The following CSGALNACT1 variants were observed in gnomAD, a reference collection of about 807,000 sequenced individuals.
CSGALNACT1 encodes the protein chondroitin sulfate N-acetylgalactosaminyltransferase 1.
CSGALNACT1 carries 52 observed loss-of-function variants against 51.0 expected under a neutral mutation model. The ratio of observed to expected loss-of-function variants is 1.02; its 90% CI spans 0.82 to 1.29. The LOEUF (loss-of-function observed/expected upper bound fraction) is 1.29, where lower values mean the gene tolerates loss of function less well. Among genes scored for constraint, CSGALNACT1 ranks in the 50% most tolerant of loss-of-function variants. CSGALNACT1 has a pLI of 0.00. For missense variants in CSGALNACT1, 935 were observed against 679.2 expected (o/e 1.38, Z -4.19); for synonymous variants, 341 against 254.4 (o/e 1.34, Z -3.24).
At chr8:19,421,330 G>C (rs956986773) in intron 6 of CSGALNACT1, among the ~76,000 whole-genome samples, 1 of 152,194 alleles carries the variant, frequency 6.6e-6, no homozygotes, top group Non-Finnish European at 1.5e-5. Flanking sequence ...GATGTTTCTC[G>C]CATTCGTTGT....
chr8:19,584,132 C>A (rs1321861908), intron 3 of CSGALNACT1, among the ~76,000 whole-genome samples: 4 of 152,278 alleles, frequency 2.6e-5, no homozygotes, highest in Middle Eastern at 3.4e-3. Flanking sequence ...TGTGATCCAC[C>A]CAGACTTGTG....
intron 1 of CSGALNACT1, among the ~76,000 whole-genome samples, chr8:19,623,879 C>A (rs946851717): frequency 2.0e-5 from 3 of 152,174 alleles, no homozygotes; most frequent in African/African-American, 7.2e-5. Context: ...AAGATGATTT[C>A]TCTCTTGTAT....
At chr8:19,428,511 G>A (rs2059132885) in intron 6 of CSGALNACT1, among the ~76,000 whole-genome samples, 1 of 152,118 alleles carries the variant, frequency 6.6e-6, no homozygotes, top group South Asian at 2.1e-4. Flanking sequence ...TCTCTCGCCA[G>A]GTCCCTCCCA....
chr8:19,662,682 G>A (rs1414472617), intron 1 of CSGALNACT1, among the ~76,000 whole-genome samples: 1 of 152,184 alleles, frequency 6.6e-6, no homozygotes, highest in Non-Finnish European at 1.5e-5. Flanking sequence ...GCTAGGGTGT[G>A]TGTGGTAAAC....
At chr8:19,566,973 C>G (rs2042025166) in intron 3 of CSGALNACT1, among the ~76,000 whole-genome samples, 2 of 152,230 alleles carry the variant, frequency 1.3e-5, no homozygotes, top group African/African-American at 4.8e-5. Context: ...TCAGAGCCCT[C>G]TGCACAGCTC....
chr8:19,550,532 C>A (rs1209397027), intron 3 of CSGALNACT1, among the ~76,000 whole-genome samples: 1 of 151,984 alleles, frequency 6.6e-6, no homozygotes, highest in African/African-American at 2.4e-5. Flanking sequence ...TTTTTTTCTT[C>A]CCCGCTTTTC....
At chr8:19,671,293 G>C (rs934588860) in intron 1 of CSGALNACT1, among the ~76,000 whole-genome samples, 12 of 152,176 alleles carry the variant, frequency 7.9e-5, no homozygotes, top group African/African-American at 2.9e-4. Flanking sequence ...GGAAGGCTTT[G>C]ATTCTGCTCT....
intron 1 of CSGALNACT1, among the ~76,000 whole-genome samples, chr8:19,704,934 CAG>C (rs2062073738): frequency 6.6e-6 from 1 of 152,130 alleles, no homozygotes; most frequent in African/African-American, 2.4e-5. Flanking sequence ...TGTGTGAAAA[CAG>C]AGTTGGGAAA....
chr8:19,532,780 G>C (rs544948671), intron 3 of CSGALNACT1, among the ~76,000 whole-genome samples: 1 of 152,164 alleles, frequency 6.6e-6, no homozygotes, highest in Non-Finnish European at 1.5e-5. Context: ...AGAAGGTACA[G>C]AGAGCGAGGA....
rs78963129 is a variant in CSGALNACT1, at chr8:19,483,580, T to A, written c.634+21621A>T. 9.7e-3 allele frequency among the ~76,000 whole-genome samples: 1,474 copies of A among 152,258 alleles called. 33 individuals carry two copies. The highest frequency in any genetic ancestry group is 0.034 in the African/African-American group (1,410 of 41,536). On this transcript the variant is annotated intron_variant, in intron 4 of 9. Coordinates refer to ENST00000454498, the Ensembl canonical transcript of CSGALNACT1. ...TCTCTAGACTTAGCTCAGAATATCT[T>A]CCTCCAGGGATCAATCCTTTCCACA...
chr8:19,655,457 C>T (rs1214848485), intron 1 of CSGALNACT1, among the ~76,000 whole-genome samples: 5 of 152,072 alleles, frequency 3.3e-5, no homozygotes, highest in African/African-American at 1.2e-4. Context: ...ACCTCCTTGG[C>T]TCAATCAATC....
intron 1 of CSGALNACT1, among the ~76,000 whole-genome samples, chr8:19,666,945 AAG>A (rs2059319011): frequency 6.5e-5 from 1 of 15,274 alleles, no homozygotes; most frequent in Non-Finnish European, 1.1e-4. Flanking sequence ...GAGAGAGAAA[AAG>A]AAAGAAAGAA....
intron 3 of CSGALNACT1, among the ~76,000 whole-genome samples, chr8:19,580,429 C>T (rs558151019): frequency 1.3e-5 from 2 of 152,196 alleles, no homozygotes; most frequent in Non-Finnish European, 2.9e-5. Flanking sequence ...TTCAGGCTTT[C>T]TGCTGAGACT....
intron 1 of CSGALNACT1, among the ~76,000 whole-genome samples, chr8:19,666,983 G>A (rs1381335160): frequency 1.1e-4 from 2 of 18,922 alleles, no homozygotes; most frequent in Non-Finnish European, 1.9e-4. Context: ...AAGAAAGAAA[G>A]AAAGAAAGAA....
At chr8:19,474,881 A>G (rs557444956) in intron 4 of CSGALNACT1, among the ~76,000 whole-genome samples, 214 of 150,532 alleles carry the variant, frequency 1.4e-3, no homozygotes, top group South Asian at 4.2e-3. Context: ...AAAAAAAAAA[A>G]AAAAAGAAAA....
chr8:19,465,612 T>G (rs1271636697), intron 4 of CSGALNACT1, among the ~76,000 whole-genome samples: 1 of 152,204 alleles, frequency 6.6e-6, no homozygotes, highest in Non-Finnish European at 1.5e-5. Context: ...AATCTGATCC[T>G]TCTGCTATGG....
At chr8:19,663,456 G>A (rs940359519) in intron 1 of CSGALNACT1, among the ~76,000 whole-genome samples, 1 of 152,158 alleles carries the variant, frequency 6.6e-6, no homozygotes, top group African/African-American at 2.4e-5. Context: ...AGCAGTCAAT[G>A]ACTAACATCC....
intron 4 of CSGALNACT1, among the ~76,000 whole-genome samples, chr8:19,481,471 A>G (rs776386785): frequency 6.6e-6 from 1 of 152,176 alleles, no homozygotes; most frequent in Non-Finnish European, 1.5e-5. Context: ...GTGACTTTAT[A>G]TAAAGATCAC....
intron 5 of CSGALNACT1, among the ~76,000 whole-genome samples, chr8:19,443,270 A>T (rs1032749173): frequency 4.6e-5 from 7 of 152,220 alleles, no homozygotes; most frequent in Non-Finnish European, 8.8e-5. Flanking sequence ...GTAAATGTGA[A>T]TATATGTGCA....
Sources: allele counts gnomAD v4.1 joint callset (sites outside exome capture counted in the v4.1 genomes callset), GRCh38; gene constraint gnomAD v4.1.1; transcripts MANE v1.5; gene names NCBI Gene and HGNC (gene_info 2026-07-23, HGNC 2026-07-21).